The following AP3S2 variants were observed in gnomAD, a reference collection of about 807,000 sequenced individuals.
AP3S2 encodes the protein adaptor related protein complex 3 subunit sigma 2.
Under a neutral mutation model 23.4 loss-of-function variants are expected in AP3S2, and 22 were observed. The observed-to-expected ratio is 0.94, with a 90% CI of 0.67 to 1.34. The LOEUF (loss-of-function observed/expected upper bound fraction) is 1.34. AP3S2 is among the 40% of genes most tolerant of loss of function. AP3S2 has a pLI of 0.00. For synonymous variants in AP3S2, 86 were observed against 87.1 expected (o/e 0.99, Z 0.07); for missense variants, 241 against 236.9 (o/e 1.02, Z -0.11).
intron 4 of AP3S2, among the ~76,000 whole-genome samples, chr15:89,859,825 G>A (rs575984718): frequency 1.4e-5 from 2 of 146,878 alleles, no homozygotes; most frequent in South Asian, 2.1e-4. Context: ...GTGCAGTGGC[G>A]CGATCTCGGC....
At chr15:89,866,856 T>C (rs1567181366) in intron 4 of AP3S2, among the ~76,000 whole-genome samples, 1 of 152,110 alleles carries the variant, frequency 6.6e-6, no homozygotes, top group African/African-American at 2.4e-5. Context: ...GCAAAGCTAC[T>C]CTCACAGGTG....
chr15:89,893,093 TTTA>T (rs1252405051), intron 1 of AP3S2: 2 of 152,294 alleles, frequency 1.3e-5, no homozygotes. Context: ...CTGAAAAGGG[TTTA>T]TTAACTTGTC....
chr15:89,891,659 G>GA (rs904378687), intron 1 of AP3S2, among the ~76,000 whole-genome samples: 19 of 141,600 alleles, frequency 1.3e-4, no homozygotes, highest in African/African-American at 2.8e-4. Context: ...GTCTCGGAGG[G>GA]AAAAAAAAAA....
intron 4 of AP3S2, among the ~76,000 whole-genome samples, chr15:89,863,046 A>G (rs989778922): frequency 6.6e-6 from 1 of 152,196 alleles, no homozygotes; most frequent in Non-Finnish European, 1.5e-5. Context: ...AGAATAGGAA[A>G]GAAATCAGCA....
chr15:89,865,107 A>C (rs1379811661), intron 4 of AP3S2, among the ~76,000 whole-genome samples: 2 of 152,092 alleles, frequency 1.3e-5, no homozygotes, highest in African/African-American at 2.4e-5. Flanking sequence ...TTAAAGTAAC[A>C]AGTTTATTTC....
intron 1 of AP3S2, 57 bp downstream of exon 1, chr15:89,893,824 G>A (rs1334375676): frequency 1.3e-6 from 2 of 1,537,086 alleles, no homozygotes; most frequent in Non-Finnish European, 1.8e-6. Context: ...AGGCCAAAGA[G>A]GAGGGAAGAC....
intron 3 of AP3S2, among the ~76,000 whole-genome samples, chr15:89,882,866 T>C (rs12437883): frequency 0.23 from 34,758 of 152,150 alleles, 4,823 homozygotes; most frequent in South Asian, 0.34. Flanking sequence ...GCCACTCCTT[T>C]TCCCTGATAA....
chr15:89,893,973 G>A lies in AP3S2; in HGVS notation c.-24C>T, dbSNP rs148592475. ...ATCTTTGCCAGCCACGGTTCTCTCA[G>A]CACCGGCTACTCCCAGAAAGCTCCT... On this transcript the variant is annotated 5_prime_UTR_variant, in exon 1 of 6. Coordinates refer to ENST00000336418, the MANE Select transcript of AP3S2 (RefSeq NM_005829.5). The A allele has an allele frequency of 2.0e-5, 31 of 1,550,058 alleles. 1 individual carries two copies. In the African/African-American group the frequency reaches 2.9e-4, roughly 14 times the overall value.
intron 3 of AP3S2, among the ~76,000 whole-genome samples, chr15:89,884,882 T>C (rs1429443399): frequency 6.6e-6 from 1 of 152,162 alleles, no homozygotes; most frequent in Non-Finnish European, 1.5e-5. Context: ...ACTCCTGACC[T>C]CGTGATCCTC....
At chr15:89,872,071 A>G (rs1896331821) in intron 3 of AP3S2, among the ~76,000 whole-genome samples, 1 of 151,464 alleles carries the variant, frequency 6.6e-6, no homozygotes, top group Admixed American at 6.6e-5. Context: ...ATAAGCAGAG[A>G]TCGCACCACT....
chr15:89,877,452 T>C (rs1896469352), intron 3 of AP3S2: 1 of 1,209,676 alleles, frequency 8.3e-7, no homozygotes, highest in South Asian at 1.3e-5. Context: ...TAACATAAAA[T>C]TTACCATCAT....
intron 4 of AP3S2, among the ~76,000 whole-genome samples, chr15:89,848,192 A>C (rs556764746): frequency 6.6e-6 from 1 of 152,352 alleles, no homozygotes; most frequent in East Asian, 1.9e-4. Context: ...TTCTCAAAAT[A>C]ACTGTGTTAT....
intron 1 of AP3S2, among the ~76,000 whole-genome samples, chr15:89,889,723 G>A (rs1896775387): frequency 6.6e-6 from 1 of 151,938 alleles, no homozygotes; most frequent in Non-Finnish European, 1.5e-5. Flanking sequence ...AATTAGCTGG[G>A]CGTGGTGGCG....
chr15:89,878,396 TACAA>T (rs903020525), intron 3 of AP3S2: 34 of 547,422 alleles, frequency 6.2e-5, no homozygotes, highest in Non-Finnish European at 7.4e-5. Context: ...AAATCTAACT[TACAA>T]ACAAACAAAA....
chr15:89,844,511 T>C (rs186047565), intron 4 of AP3S2, among the ~76,000 whole-genome samples: 304 of 148,828 alleles, frequency 2.0e-3, no homozygotes, highest in African/African-American at 7.3e-3. Context: ...CTTTTTTTCT[T>C]TTTTTTTTTA....
chr15:89,858,485 AAGAAAGAAAGAGAGAGAGAGAG>A (rs1418925688), intron 4 of AP3S2, among the ~76,000 whole-genome samples: 1 of 38,836 alleles, frequency 2.6e-5, no homozygotes, highest in African/African-American at 6.5e-5. Flanking sequence ...GAAAGAAAGA[AAGAAAGAAAGAGAGAGAGAGAG>A]AGAGAGAGAG....
intron 4 of AP3S2, among the ~76,000 whole-genome samples, chr15:89,849,901 G>A (rs1024760593): frequency 2.6e-5 from 4 of 151,808 alleles, no homozygotes; most frequent in Admixed American, 2.6e-4. Context: ...TTGTTCAACT[G>A]CCATTTATGA....
intron 4 of AP3S2, chr15:89,838,163 C>T (rs1185958945): frequency 6.0e-6 from 1 of 167,054 alleles, no homozygotes; most frequent in Non-Finnish European, 1.3e-5. Flanking sequence ...ATTAATATTA[C>T]CATCATCAAC....
At chr15:89,879,167 T>C (rs746246488) in intron 3 of AP3S2, among the ~76,000 whole-genome samples, 6 of 152,252 alleles carry the variant, frequency 3.9e-5, no homozygotes, top group East Asian at 1.9e-4. Flanking sequence ...GCGTGAGCCA[T>C]TGCACCCAGT....
Sources: gnomAD v4.1 joint callset for allele counts (sites outside exome capture counted in the v4.1 genomes callset) on GRCh38, gnomAD v4.1.1 for gene constraint, MANE v1.5 for transcripts, NCBI Gene and HGNC (gene_info 2026-07-23, HGNC 2026-07-21) for gene names.